The following ABTB3 variants were observed in gnomAD, a reference collection of about 807,000 sequenced individuals.
The protein encoded by ABTB3 is ankyrin repeat- and BTB/POZ domain-containing protein 3.
the ABTB3 span, among the ~76,000 whole-genome samples, chr12:107,527,302 A>G: frequency 1.3e-5 from 2 of 151,434 alleles, no homozygotes; most frequent in South Asian, 4.2e-4. Flanking sequence ...ACGGAGTCTC[A>G]CTGTTGTCTC....
chr12:107,342,608 C>A, the ABTB3 span, among the ~76,000 whole-genome samples: 1 of 152,280 alleles, frequency 6.6e-6, no homozygotes, highest in Admixed American at 6.5e-5. Context: ...GTCCTATTGA[C>A]TGCAGGGTCA....
the ABTB3 span, among the ~76,000 whole-genome samples, chr12:107,508,460 T>G: frequency 1.5e-5 from 2 of 129,564 alleles, no homozygotes; most frequent in East Asian, 2.5e-4. Context: ...TTTTTTTTTT[T>G]TTTTTTTTGG....
At chr12:107,620,842 T>C in the ABTB3 span, among the ~76,000 whole-genome samples, 4 of 152,160 alleles carry the variant, frequency 2.6e-5, no homozygotes, top group Non-Finnish European at 5.9e-5. Context: ...CTTAAAAATA[T>C]CTTTGGGGTT....
the ABTB3 span, among the ~76,000 whole-genome samples, chr12:107,619,422 A>G: frequency 6.6e-6 from 1 of 152,148 alleles, no homozygotes. Context: ...ATATCCTCCC[A>G]TGTCTTCTTA....
At chr12:107,657,051 CAAAAA>C in the ABTB3 span, among the ~76,000 whole-genome samples, 1 of 151,706 alleles carries the variant, frequency 6.6e-6, no homozygotes, top group East Asian at 1.9e-4. Context: ...TCAAAAAAAA[CAAAAA>C]AAAGAATGAA....
At chr12:107,341,247 A>G in the ABTB3 span, among the ~76,000 whole-genome samples, 1 of 152,178 alleles carries the variant, frequency 6.6e-6, no homozygotes, top group African/African-American at 2.4e-5. Flanking sequence ...GTTCTTCCAT[A>G]GCACTGTAGC....
At chr12:107,535,528 C>A in the ABTB3 span, among the ~76,000 whole-genome samples, 1 of 152,106 alleles carries the variant, frequency 6.6e-6, no homozygotes, top group African/African-American at 2.4e-5. Flanking sequence ...TCTAAAGAGT[C>A]CACCAAAAAA....
At chr12:107,375,674 C>T in the ABTB3 span, among the ~76,000 whole-genome samples, 1 of 152,122 alleles carries the variant, frequency 6.6e-6, no homozygotes, top group Non-Finnish European at 1.5e-5. Context: ...CGTTACTTAC[C>T]TGCTGGAGGC....
chr12:107,579,313 G>A, the ABTB3 span, among the ~76,000 whole-genome samples: 11 of 152,302 alleles, frequency 7.2e-5, no homozygotes, highest in African/African-American at 2.2e-4. Flanking sequence ...TGCATGCTAC[G>A]AAGTTGGACA....
the ABTB3 span, among the ~76,000 whole-genome samples, chr12:107,639,532 G>A: frequency 2.6e-5 from 4 of 152,178 alleles, no homozygotes; most frequent in African/African-American, 4.8e-5. Context: ...GAAGATTCAG[G>A]AAACACTTAG....
the ABTB3 span, among the ~76,000 whole-genome samples, chr12:107,378,225 A>G: frequency 6.6e-6 from 1 of 152,280 alleles, no homozygotes; most frequent in Non-Finnish European, 1.5e-5. Context: ...ATAGGCAGAC[A>G]TGGTCTCTTA....
At chr12:107,521,124 C>T in the ABTB3 span, among the ~76,000 whole-genome samples, 26 of 152,236 alleles carry the variant, frequency 1.7e-4, no homozygotes, top group South Asian at 5.2e-3. Context: ...GGACAATGGT[C>T]TTTAATGGAA....
At chr12:107,477,740 A>C in the ABTB3 span, among the ~76,000 whole-genome samples, 3 of 152,216 alleles carry the variant, frequency 2.0e-5, no homozygotes, top group Admixed American at 6.5e-5. Context: ...ACTCAATGAC[A>C]GAGATAAAAG....
chr12:107,510,874 G>A, the ABTB3 span, among the ~76,000 whole-genome samples: 1 of 152,048 alleles, frequency 6.6e-6, no homozygotes, highest in Non-Finnish European at 1.5e-5. Flanking sequence ...GTGAGCCGAC[G>A]TCAGGCCACT....
the ABTB3 span, among the ~76,000 whole-genome samples, chr12:107,590,129 G>C: frequency 0.016 from 2,484 of 152,258 alleles, 42 homozygotes; most frequent in Middle Eastern, 0.034. Context: ...GGCCAGGCTG[G>C]TCTGGAACTC....
At chr12:107,383,640 T>C in the ABTB3 span, among the ~76,000 whole-genome samples, 10 of 152,346 alleles carry the variant, frequency 6.6e-5, no homozygotes, top group Middle Eastern at 3.4e-3. Flanking sequence ...GACAGGCGCC[T>C]GTTCTCTGCC....
At chr12:107,378,035 A>G in the ABTB3 span, among the ~76,000 whole-genome samples, 1 of 152,202 alleles carries the variant, frequency 6.6e-6, no homozygotes, top group Non-Finnish European at 1.5e-5. Flanking sequence ...ACATAATCTC[A>G]TTATGGACTT....
chr12:107,622,386 C>T, the ABTB3 span, among the ~76,000 whole-genome samples: 5 of 152,198 alleles, frequency 3.3e-5, no homozygotes, highest in Admixed American at 1.3e-4. Flanking sequence ...AGTCTCCTGT[C>T]GGACAATAGG....
the ABTB3 span, among the ~76,000 whole-genome samples, chr12:107,617,900 T>C: frequency 6.6e-6 from 1 of 151,882 alleles, no homozygotes; most frequent in Admixed American, 6.6e-5. Context: ...AAGTGCAGAG[T>C]TCTAGAGCCT....
Sources: gnomAD v4.1 joint callset for allele counts (sites outside exome capture counted in the v4.1 genomes callset) on GRCh38, gnomAD v4.1.1 for gene constraint, MANE v1.5 for transcripts, NCBI Gene and HGNC (gene_info 2026-07-23, HGNC 2026-07-21) for gene names.